The following PCDHGA5 variants were observed in gnomAD, a reference collection of about 807,000 sequenced individuals.
PCDHGA5 encodes the protein protocadherin gamma-A5.
Under a neutral mutation model 56.7 loss-of-function variants are expected in PCDHGA5, and 36 were observed. The observed-to-expected ratio is 0.64, with a 90% CI of 0.49 to 0.84. PCDHGA5 has a LOEUF of 0.84. Ranked by LOEUF, PCDHGA5 falls within the 40% of genes least tolerant of loss-of-function variation. The pLI, the probability that PCDHGA5 is intolerant of heterozygous loss-of-function variation, is 0.00. For missense variants in PCDHGA5, 1,305 were observed against 1,201.5 expected, an observed-to-expected ratio of 1.09 and a Z score of -1.27; for synonymous variants, 563 against 520.2, an observed-to-expected ratio of 1.08 and a Z score of -1.12.
At chr5:141,371,970 CG>C (rs748554819) in intron 1 of PCDHGA5, 402 of 1,613,132 alleles carry the variant, frequency 2.5e-4, no homozygotes, top group Non-Finnish European at 5.5e-5. Context: ...CGAGCAGCTG[CG>C]TGCCTTCGAG....
At position 141,429,997 on chromosome 5, in the gene PCDHGA5, G is replaced by A. The variant is rs536289272; in HGVS notation, c.2421+63246G>A. Among the ~76,000 whole-genome samples, 3 of 152,240 alleles carry A rather than the reference G, an allele frequency of 2.0e-5. No homozygotes were observed. The East Asian group carries it at 5.8e-4, about 29-fold the overall frequency. On this transcript the variant is annotated intron_variant, in intron 1 of 3. Transcript: ENST00000518069. ...TCTACTTTATGCTAAAAATATTAAT[G>A]TTTCTTTTTCACTTGGGTTCTTGTT... is the stretch of plus-strand genomic sequence containing the variant.
intron 1 of PCDHGA5, chr5:141,399,493 A>G (rs2093820399): frequency 1.2e-6 from 2 of 1,614,036 alleles, no homozygotes; most frequent in African/African-American, 2.7e-5. Context: ...CTACTTAGTC[A>G]GTGTACCCGA....
chr5:141,456,020 C>T (rs2098840631), intron 1 of PCDHGA5, among the ~76,000 whole-genome samples: 1 of 151,834 alleles, frequency 6.6e-6, no homozygotes, highest in South Asian at 2.1e-4. Flanking sequence ...GCCTCAGCCT[C>T]CCGAGTAGCT....
In PCDHGA5 at chr5:141,511,367, G is replaced by A. The variant is rs563286583; in HGVS notation, c.*194G>A. ...CCTTCCCCCCCAGGGGGTTGAATAT[G>A]CAAAAGCAGTTCCGCTGGGAACCCC... On this transcript the variant is annotated 3_prime_UTR_variant, in exon 4 of 4. Coordinates refer to ENST00000518069, the MANE Select transcript of PCDHGA5 (RefSeq NM_018918.3). 2.3e-6 allele frequency: 3 copies of A among 1,299,952 alleles called. No individual in the cohort carries two copies. Among genetic ancestry groups the A allele is most frequent in the Non-Finnish European group, 3.1e-6 (3 of 967,442 alleles). 80.5% of individuals were successfully genotyped at this position (1,299,952 alleles called of 1,614,324 possible).
In PCDHGA5 at chr5:141,485,125, G is replaced by A. The variant is rs776015544; in HGVS notation, c.2422-9682G>A. 7.1e-7 allele frequency: 1 copy of A among 1,412,160 alleles called. No homozygotes were observed. The highest frequency in any genetic ancestry group is 1.2e-5 in the South Asian group (1 of 81,022). The allele number at this position is 1,412,160 out of a possible 1,614,324, so 87.5% of individuals were successfully genotyped here. On this transcript the variant is annotated intron_variant, in intron 1 of 3. Transcript: ENST00000518069. This position sits in a 1 kb window ranked among gnomAD's most constrained non-coding sequence, Gnocchi z 5.7. ...CTGCTGTGGCTGTTTGGGGCGGGTC[G>A]GCTTCATCCGCGTCTCAGGAGCAAG... is the stretch of plus-strand genomic sequence containing the variant.
chr5:141,406,781 T>C (rs1054583306), intron 1 of PCDHGA5, among the ~76,000 whole-genome samples: 4 of 152,218 alleles, frequency 2.6e-5, no homozygotes, highest in Non-Finnish European at 5.9e-5. Context: ...CTCTCACTTA[T>C]ATATTATTTC....
At chr5:141,417,556 A>C (rs1240389709) in intron 1 of PCDHGA5, 1 of 333,096 alleles carries the variant, frequency 3.0e-6, no homozygotes, top group Non-Finnish European at 5.4e-6. Context: ...TGAAAGAGGT[A>C]GAGAAAAGTC....
In PCDHGA5 at chr5:141,450,548, G is replaced by A. The variant is rs186010209; in HGVS notation, c.2422-44259G>A. 3.3e-4 allele frequency among the ~76,000 whole-genome samples: 50 copies of A among 151,716 alleles called. 1 individual carries two copies. Among genetic ancestry groups the A allele is most frequent in the African/African-American group, 9.9e-4 (41 of 41,366 alleles). On this transcript the variant is annotated intron_variant, in intron 1 of 3. Transcript: ENST00000518069. ...GTCACCCAGGCTGGAATGCAGTGGC[G>A]CAGTCTCGGCTCACTGCAACTTCTG... is the stretch of plus-strand genomic sequence containing the variant.
intron 1 of PCDHGA5, chr5:141,408,661 G>T (rs1462103250): frequency 1.2e-6 from 2 of 1,613,888 alleles, no homozygotes; most frequent in Middle Eastern, 3.3e-4. Context: ...CACGACTATC[G>T]CTTGACCCTG....
At chr5:141,420,101 T>C (rs1160215468) in intron 1 of PCDHGA5, 1 of 1,613,928 alleles carries the variant, frequency 6.2e-7, no homozygotes, top group Non-Finnish European at 8.5e-7. Flanking sequence ...TGAGGGAACG[T>C]TGCCCTATGC....
At chr5:141,372,401 A>G (rs1248362001) in intron 1 of PCDHGA5, 2 of 1,613,384 alleles carry the variant, frequency 1.2e-6, no homozygotes, top group Admixed American at 3.3e-5. Context: ...ATAGCTTGCA[A>G]GAGATACAAC....
intron 1 of PCDHGA5, chr5:141,409,837 C>T (rs182654621): frequency 2.2e-5 from 36 of 1,611,350 alleles, no homozygotes; most frequent in Non-Finnish European, 2.9e-5. Context: ...TCAGCGCCAA[C>T]GTGAGCCTGC....
Position 141,476,369 on chromosome 5 carries a change from G to A in PCDHGA5, c.2422-18438G>A, listed in dbSNP as rs1178923246. 1.9e-6 allele frequency: 3 copies of A among 1,614,098 alleles called. No homozygotes were observed. The African/African-American group carries it at 4.0e-5, about 22-fold the overall frequency. ...CTTTGAGGTGAACCGGGAGACCGGA[G>A]AGATGTTTGTGAACGACCGTCTGGA... On this transcript the variant is annotated intron_variant, in intron 1 of 3. Transcript: ENST00000518069. This position sits in a 1 kb window ranked among gnomAD's most constrained non-coding sequence, Gnocchi z 7.6.
intron 1 of PCDHGA5, among the ~76,000 whole-genome samples, chr5:141,457,480 G>T (rs566798464): frequency 6.6e-6 from 1 of 152,148 alleles, no homozygotes; most frequent in African/African-American, 2.4e-5. Context: ...GCAGGGCCAG[G>T]GTTAGTCTAA....
At position 141,505,514 on chromosome 5, in the gene PCDHGA5, G is replaced by A. The variant is rs758026551; in HGVS notation, c.2569+33G>A. The A allele has an allele frequency of 1.2e-5, 20 of 1,613,682 alleles. No homozygotes were observed. The South Asian group carries it at 1.8e-4, about 14-fold the overall frequency. ...GTGTCAGTGTGTGTATGGAAGAGTGGGAGACCTGGGGTTCTGGGGTGCATC... is the reference window on the plus strand; with the variant it reads ...GTGTCAGTGTGTGTATGGAAGAGTGAGAGACCTGGGGTTCTGGGGTGCATC... On this transcript the variant is annotated intron_variant, in intron 3 of 3. Transcript: ENST00000518069.
chr5:141,438,641 C>CAT (rs2098042490), intron 1 of PCDHGA5, among the ~76,000 whole-genome samples: 2 of 79,354 alleles, frequency 2.5e-5, no homozygotes, highest in Non-Finnish European at 4.5e-5. Context: ...TATATACACA[C>CAT]ACACACACAC....
intron 1 of PCDHGA5, chr5:141,419,575 C>T (rs2096401495): frequency 6.2e-7 from 1 of 1,611,782 alleles, no homozygotes. Context: ...CCGACGGCTC[C>T]GCGCTCTTCG....
chr5:141,408,329 A>G (rs2095085203), intron 1 of PCDHGA5: 1 of 1,613,698 alleles, frequency 6.2e-7, no homozygotes, highest in Admixed American at 1.7e-5. Context: ...GGAGCTGGCC[A>G]AGGGCTCGGT....
chr5:141,507,937 A>T (rs2154594220), intron 3 of PCDHGA5: 1 of 152,420 alleles, frequency 6.6e-6, no homozygotes, highest in Admixed American at 6.5e-5. Context: ...AGAGGGGTTA[A>T]GTAAGAGGGA....
Sources: gnomAD v4.1 joint callset for allele counts (sites outside exome capture counted in the v4.1 genomes callset) on GRCh38, gnomAD v4.1.1 for gene constraint, Gnocchi (gnomAD v3.1) non-coding constraint, MANE v1.5 for transcripts, NCBI Gene and HGNC (gene_info 2026-07-23, HGNC 2026-07-21) for gene names.